Variants in TOMM20L observed in about 807,000 individuals in gnomAD.
The protein encoded by TOMM20L is translocase of outer mitochondrial membrane 20 like, also known as TOMM20-like protein 1.
In TOMM20L, 19 loss-of-function variants were observed where a neutral mutation model predicts 20.4. The observed-to-expected ratio is 0.93, with a 90% CI of 0.65 to 1.36. The LOEUF is 1.36. Among genes scored for constraint, TOMM20L ranks in the 40% most tolerant of loss-of-function variants. The pLI is 0.00. For synonymous variants in TOMM20L, 75 were observed against 79.6 expected, an observed-to-expected ratio of 0.94 and a Z score of 0.30; for missense variants, 218 against 203.7, an observed-to-expected ratio of 1.07 and a Z score of -0.43.
At chr14:58,407,827 A>G (rs2036085377) in intron 4 of TOMM20L, among the ~76,000 whole-genome samples, 1 of 152,252 alleles carries the variant, frequency 6.6e-6, no homozygotes, top group Admixed American at 6.5e-5. Context: ...AAATCCATTC[A>G]TAAGCCAGTT....
chr14:58,414,008 G>GGAAAAA, the TOMM20L span, among the ~76,000 whole-genome samples: 1 of 24,172 alleles, frequency 4.1e-5, no homozygotes, highest in Non-Finnish European at 6.4e-5. Context: ...TTCCGTCTCA[G>GGAAAAA]AAAAAAAAAA....
In TOMM20L at chr14:58,408,688, T is replaced by G. The variant is rs2036111068; in HGVS notation, c.*106T>G. 1.7e-6 allele frequency: 2 copies of G among 1,143,858 alleles called. No individual in the cohort carries two copies. The highest frequency in any genetic ancestry group is 2.7e-5 in the Admixed American group (1 of 36,502). 70.9% of individuals were successfully genotyped at this position (1,143,858 alleles called of 1,614,324 possible). ...TTTATTTTACTTTGAGTAATAAAAA[T>G]TTTTCTATCTCATACATGATCGAAC... On this transcript the variant is annotated 3_prime_UTR_variant, in exon 5 of 5. Coordinates refer to ENST00000360945, the MANE Select transcript of TOMM20L (RefSeq NM_207377.3).
At chr14:58,398,016 C>T (rs148566312) in intron 2 of TOMM20L, among the ~76,000 whole-genome samples, 1 of 152,108 alleles carries the variant, frequency 6.6e-6, no homozygotes, top group Non-Finnish European at 1.5e-5. Context: ...GAGTCAAAGA[C>T]ACTTCCGGGG....
At chr14:58,404,800 T>C (rs1594999383) in intron 3 of TOMM20L, among the ~76,000 whole-genome samples, 2 of 152,186 alleles carry the variant, frequency 1.3e-5, no homozygotes, top group African/African-American at 4.8e-5. Flanking sequence ...TTTTTGCTTT[T>C]AGATGGAGTA....
intron 4 of TOMM20L, 151 bp from the exon 5 acceptor site, chr14:58,408,378 T>C (rs1337385602): frequency 9.4e-6 from 6 of 637,680 alleles, no homozygotes; most frequent in Non-Finnish European, 1.6e-5. Flanking sequence ...GATTGTGCCG[T>C]TGCACTCCAT....
downstream of TOMM20L, among the ~76,000 whole-genome samples, chr14:58,409,647 C>T (rs1000242201): frequency 1.3e-5 from 2 of 152,068 alleles, no homozygotes; most frequent in Non-Finnish European, 1.5e-5. Flanking sequence ...GGCGTGATCT[C>T]GGCTCACTGC....
chr14:58,401,883 G>A (rs977061635), intron 2 of TOMM20L, among the ~76,000 whole-genome samples: 1 of 152,076 alleles, frequency 6.6e-6, no homozygotes, highest in Admixed American at 6.6e-5. Context: ...TCCTTTTGAG[G>A]GTGTGAGTAC....
In TOMM20L at chr14:58,408,543, CATGA is replaced by C. The variant is rs2047707528; in HGVS notation, c.426_429del (p.Glu143ArgfsTer20). 2 of 1,613,816 alleles carry C rather than the reference CATGA, an allele frequency of 1.2e-6. No homozygotes were observed. Among genetic ancestry groups the C allele is most frequent in the African/African-American group, 1.3e-5 (1 of 75,020 alleles). ...GTATTCACCAGCAATTTGAGGCAGA[CATGA>C]ATGAACAGGACTGCTTGGAGGATGA... On this transcript the variant is annotated frameshift_variant, in exon 5 of 5. Transcript: ENST00000360945. LOFTEE classifies it high-confidence loss of function.
At chr14:58,414,405 C>T in the TOMM20L span, among the ~76,000 whole-genome samples, 3 of 152,116 alleles carry the variant, frequency 2.0e-5, no homozygotes, top group South Asian at 2.1e-4. Flanking sequence ...CAGTCTCAAC[C>T]ATACCTATAC....
At chr14:58,415,113 C>G in the TOMM20L span, among the ~76,000 whole-genome samples, 1 of 152,180 alleles carries the variant, frequency 6.6e-6, no homozygotes, top group East Asian at 1.9e-4. Context: ...CCTACTCCAC[C>G]TAGCAGTAAC....
downstream of TOMM20L, chr14:58,408,949 CA>C (rs1355711788): frequency 6.5e-7 from 1 of 1,533,198 alleles, no homozygotes; most frequent in African/African-American, 1.4e-5. Context: ...CTACTGCTTT[CA>C]GGGGATTCTA....
intron 2 of TOMM20L, 41 bp downstream of exon 2, chr14:58,396,382 A>C: frequency 1.2e-6 from 2 of 1,610,496 alleles, no homozygotes; most frequent in East Asian, 4.5e-5. Flanking sequence ...CAGTAGACGC[A>C]GGTCCGGGCT....
chr14:58,402,627 G>T, intron 2 of TOMM20L, 53 bp from the exon 3 acceptor site: 1 of 1,344,188 alleles, frequency 7.4e-7, no homozygotes, highest in Non-Finnish European at 1.1e-6. Flanking sequence ...TTGATCAGTA[G>T]CCATATACCT....
chr14:58,416,342 C>G, the TOMM20L span, among the ~76,000 whole-genome samples: 1 of 152,158 alleles, frequency 6.6e-6, no homozygotes, highest in African/African-American at 2.4e-5. Context: ...AGGATGAAAG[C>G]AGATTTTTCT....
chr14:58,407,574 TA>T, intron 4 of TOMM20L, 106 bp downstream of exon 4: 1 of 1,265,906 alleles, frequency 7.9e-7, no homozygotes, highest in East Asian at 2.8e-5. Context: ...CCCAAAATCT[TA>T]AATAAGTGAA....
At chr14:58,398,593 G>A (rs2035954278) in intron 2 of TOMM20L, 1 of 152,090 alleles carries the variant, frequency 6.6e-6, no homozygotes, top group Non-Finnish European at 1.5e-5. Flanking sequence ...TCTGGTTCCA[G>A]TGTGGAGAAA....
downstream of TOMM20L, among the ~76,000 whole-genome samples, chr14:58,412,361 C>T (rs1216945552): frequency 3.9e-5 from 6 of 152,166 alleles, no homozygotes; most frequent in African/African-American, 1.2e-4. Flanking sequence ...AGGATGGTCT[C>T]GATCTCTTAA....
intron 2 of TOMM20L, among the ~76,000 whole-genome samples, chr14:58,400,026 C>G (rs1312965765): frequency 6.6e-6 from 1 of 150,870 alleles, no homozygotes. Context: ...CACCCTGCCT[C>G]TATTCTTATG....
At chr14:58,402,060 A>G (rs1414206284) in intron 2 of TOMM20L, among the ~76,000 whole-genome samples, 1 of 152,192 alleles carries the variant, frequency 6.6e-6, no homozygotes, top group Non-Finnish European at 1.5e-5. Flanking sequence ...GCAACATACA[A>G]AACTACCTTT....
Sources: gnomAD v4.1 joint callset for allele counts (sites outside exome capture counted in the v4.1 genomes callset) on GRCh38, gnomAD v4.1.1 for gene constraint, MANE v1.5 for transcripts, NCBI Gene and HGNC (gene_info 2026-07-23, HGNC 2026-07-21) for gene names.